ATP1A4: variants seen among roughly 807,000 people sequenced by gnomAD.
ATP1A4 encodes the protein sodium/potassium-transporting ATPase subunit alpha-4.
ATP1A4 carries 90 observed loss-of-function variants against 114.3 expected under a neutral mutation model. The ratio of observed to expected loss-of-function variants is 0.79; its 90% CI spans 0.66 to 0.94. The LOEUF (loss-of-function observed/expected upper bound fraction) is 0.94. ATP1A4 is among the 40% of genes least tolerant of loss of function. The pLI is 0.00. For synonymous variants in ATP1A4, 511 were observed against 494.1 expected, an observed-to-expected ratio of 1.03 and a Z score of -0.45; for missense variants, 1,222 against 1,313.6, an observed-to-expected ratio of 0.93 and a Z score of 1.08.
chr1:160,176,352 A>G, intron 16 of ATP1A4, 106 bp downstream of exon 16: 5 of 1,585,718 alleles, frequency 3.2e-6, no homozygotes, highest in Non-Finnish European at 3.5e-6. Context: ...CCCACTTATG[A>G]TCCAGCTCTC....
At position 160,155,192 on chromosome 1, in the gene ATP1A4, T is replaced by TGGTG; in HGVS notation, c.356_357insGTGG (p.Cys119TrpfsTer14). On this transcript the variant is annotated frameshift_variant, in exon 3 of 22. Transcript: ENST00000368081. LOFTEE classifies it high-confidence loss of function. Reference sequence around the variant, plus strand: ...CCTACTATGGACTGGGGCCATTCTCTGCTTTGTGGCCTACAGCATCCAGAT... The same window carrying TGGTG: ...CCTACTATGGACTGGGGCCATTCTCTGGTGGCTTTGTGGCCTACAGCATCCAGAT... 8 of 1,613,828 alleles carry TGGTG rather than the reference T, an allele frequency of 5.0e-6. No individual in the cohort carries two copies. Among genetic ancestry groups the TGGTG allele is most frequent in the Non-Finnish European group, 6.8e-6 (8 of 1,179,940 alleles).
rs778352783 is a variant in ATP1A4, at chr1:160,152,132, T to G, written c.92T>G (p.Val31Gly). ...PKKGLIKKKM[V>G]KREKQKRNME... is the part of the protein sequence containing the mutation. ...AAAGGGCTTATCAAGAAAAAAATGG[T>G]GAAGAGGGAAAAACAGAAGCGCAAT... The change falls in exon 1 of 22, where the codon GTG becomes GGG. Residue 31 changes from valine to glycine, a missense_variant. By Grantham distance (109) the Val-to-Gly change is moderately radical. Transcript: ENST00000368081. 6.2e-7 allele frequency: 1 copy of G among 1,613,178 alleles called. No homozygotes were observed. Among genetic ancestry groups the G allele is most frequent in the Non-Finnish European group, 8.5e-7 (1 of 1,179,782 alleles).
Position 160,155,188 on chromosome 1 carries a change from TCTC to T in ATP1A4, c.352_354del (p.Leu118del). ...CCCTCCTACTATGGACTGGGGCCAT[TCTC>T]TGCTTTGTGGCCTACAGCATCCAGA... On this transcript the variant is annotated inframe_deletion, in exon 3 of 22. Transcript: ENST00000368081. The T allele has an allele frequency of 5.0e-6, 8 of 1,613,710 alleles. No homozygotes were observed. The highest frequency in any genetic ancestry group is 6.8e-6 in the Non-Finnish European group (8 of 1,179,934).
Position 160,164,324 on chromosome 1 carries a change from C to G in ATP1A4, c.947C>G (p.Ala316Gly). The G allele has an allele frequency of 1.2e-6, 2 of 1,614,080 alleles. No homozygotes were observed. Among genetic ancestry groups the G allele is most frequent in the Non-Finnish European group, 1.7e-6 (2 of 1,179,990 alleles). Residue 316 changes from alanine (A) to glycine (G), a missense_variant, in exon 7 of 22, where the codon GCG becomes GGG. Physicochemically the swap from Ala to Gly is moderately conservative, Grantham distance 60 (BLOSUM62 0). Coordinates refer to ENST00000368081, the MANE Select transcript of ATP1A4 (RefSeq NM_144699.4). Reference sequence around the variant, plus strand: ...GTCTTCCTTGGTGTCACTTTTTTTGCGCTCTCACTTCTCTTGGGCTATGGT... The same window carrying G: ...GTCTTCCTTGGTGTCACTTTTTTTGGGCTCTCACTTCTCTTGGGCTATGGT... The part of the protein sequence containing the change: ...VAVFLGVTFF[A>G]LSLLLGYGWL...
chr1:160,177,000 G>T (rs6693877), intron 17 of ATP1A4, among the ~76,000 whole-genome samples: 61,760 of 151,970 alleles, frequency 0.41, 14,249 homozygotes, highest in African/African-American at 0.63. Context: ...GGGAATTTCA[G>T]ATGGCACAGT....
chr1:160,168,885 G>A (rs939174530), intron 10 of ATP1A4, among the ~76,000 whole-genome samples: 3 of 152,194 alleles, frequency 2.0e-5, no homozygotes, highest in Non-Finnish European at 4.4e-5. Context: ...GGAATTCTGT[G>A]GCTTGGCAGG....
At chr1:160,165,366 C>T (rs1652988907) in intron 7 of ATP1A4, among the ~76,000 whole-genome samples, 1 of 152,362 alleles carries the variant, frequency 6.6e-6, no homozygotes, top group African/African-American at 2.4e-5. Context: ...ACTTGACTTA[C>T]ATTGCCTTCA....
intron 10 of ATP1A4, among the ~76,000 whole-genome samples, chr1:160,169,332 A>G (rs1250388879): frequency 6.6e-6 from 1 of 152,154 alleles, no homozygotes; most frequent in Non-Finnish European, 1.5e-5. Flanking sequence ...CGTCTCTTTT[A>G]TATGTAATTT....
chr1:160,186,565 C>T (rs1169409228), intron 21 of ATP1A4, 106 bp from the exon 22 acceptor site: 6 of 1,350,256 alleles, frequency 4.4e-6, no homozygotes, highest in Non-Finnish European at 6.2e-6. Context: ...GCCCTGTGTT[C>T]CAGACCTCCC....
At chr1:160,179,418 G>A (rs2101654069) in intron 18 of ATP1A4, among the ~76,000 whole-genome samples, 2 of 152,314 alleles carry the variant, frequency 1.3e-5, no homozygotes, top group Non-Finnish European at 2.9e-5. Flanking sequence ...GTAATTTGAG[G>A]TAAAAAGTTA....
chr1:160,183,884 T>A (rs1370679548), intron 20 of ATP1A4, among the ~76,000 whole-genome samples: 2 of 152,112 alleles, frequency 1.3e-5, no homozygotes, highest in East Asian at 3.9e-4. Flanking sequence ...ATTCTGTCAG[T>A]GAAAAATATT....
At position 160,171,679 on chromosome 1, in the gene ATP1A4, G is replaced by A. The variant is rs1571025823; in HGVS notation, c.1776G>A (p.Val592=). Residue 592 remains valine (V), a synonymous_variant, in exon 12 of 22, where the codon GTG becomes GTA. Coordinates refer to ENST00000368081, the MANE Select transcript of ATP1A4 (RefSeq NM_144699.4). ...INFPMDNLCF[V]GLISMIDPPR... ...TCCCCATGGACAACCTTTGTTTTGT[G>A]GGCCTCATATCCATGATTGACCCTC... is the stretch of plus-strand genomic sequence containing the variant. 5.6e-6 allele frequency: 9 copies of A among 1,614,092 alleles called. No homozygotes were observed. Among genetic ancestry groups the A allele is most frequent in the Non-Finnish European group, 7.6e-6 (9 of 1,180,028 alleles).
At chr1:160,159,925 C>A (rs60388266) in intron 6 of ATP1A4, among the ~76,000 whole-genome samples, 5,707 of 152,298 alleles carry the variant, frequency 0.037, 355 homozygotes, top group African/African-American at 0.13. Flanking sequence ...TAAGCCCTAA[C>A]TTCTAACTAG....
At chr1:160,153,426 G>C (rs1443711948) in intron 2 of ATP1A4, among the ~76,000 whole-genome samples, 1 of 152,280 alleles carries the variant, frequency 6.6e-6, no homozygotes, top group South Asian at 2.1e-4. Context: ...TGTGGGACTA[G>C]ATAAGAGAAT....
Position 160,167,018 on chromosome 1 carries a change from G to A in ATP1A4, c.1297G>A (p.Ala433Thr), listed in dbSNP as rs143324502. The change falls in exon 9 of 22, where the codon GCT becomes ACT. Residue 433 changes from alanine (A) to threonine (T), a missense_variant. Coordinates refer to ENST00000368081, the MANE Select transcript of ATP1A4 (RefSeq NM_144699.4). ...SDTWFMLARIAGLCNRADFKA... is the reference protein window; with the variant it reads ...SDTWFMLARITGLCNRADFKA... ...TACCTGGTTTATGCTGGCCCGAATC[G>A]CTGGCCTCTGCAACCGGGCTGACTT... 1.1e-5 allele frequency: 17 copies of A among 1,614,066 alleles called. No homozygotes were observed. Among genetic ancestry groups the A allele is most frequent in the South Asian group, 6.6e-5 (6 of 91,080 alleles).
chr1:160,178,386 T>G (rs1264674000), intron 18 of ATP1A4, among the ~76,000 whole-genome samples: 2 of 129,636 alleles, frequency 1.5e-5, no homozygotes, highest in East Asian at 4.5e-4. Flanking sequence ...AATATAAAAT[T>G]TGAAAACCAG....
intron 20 of ATP1A4, chr1:160,183,248 G>T (rs1279247465): frequency 6.6e-6 from 1 of 152,188 alleles, no homozygotes; most frequent in African/African-American, 2.4e-5. Context: ...AGTGTTGTGA[G>T]ATTTACACGT....
rs1653914501 is a variant in ATP1A4, at chr1:160,186,912, G to A, written c.*213G>A. On this transcript the variant is annotated 3_prime_UTR_variant, in exon 22 of 22. Coordinates refer to ENST00000368081, the MANE Select transcript of ATP1A4 (RefSeq NM_144699.4). Reference sequence around the variant, plus strand: ...GCCTGCATCTAGCTGGAGCCCCGCAGGGAGGGGCATGGTCCTGCTGAATCC... The same window carrying A: ...GCCTGCATCTAGCTGGAGCCCCGCAAGGAGGGGCATGGTCCTGCTGAATCC... The A allele has an allele frequency of 1.6e-6, 1 of 626,214 alleles. No individual in the cohort carries two copies. The allele number at this position is 626,214 out of a possible 1,614,324, so 38.8% of individuals were successfully genotyped here.
At chr1:160,154,348 A>C (rs1417035829) in intron 2 of ATP1A4, among the ~76,000 whole-genome samples, 1 of 151,898 alleles carries the variant, frequency 6.6e-6, no homozygotes, top group East Asian at 1.9e-4. Context: ...ACTCCAGCCT[A>C]GGTGACAGAG....
Sources: gnomAD v4.1 joint callset for allele counts (sites outside exome capture counted in the v4.1 genomes callset) on GRCh38, gnomAD v4.1.1 for gene constraint, MANE v1.5 for transcripts, NCBI Gene and HGNC (gene_info 2026-07-23, HGNC 2026-07-21) for gene names.